Variants in CFAP157 observed in about 807,000 individuals in gnomAD.
CFAP157 encodes cilia and flagella associated protein 157.
In CFAP157, 43 loss-of-function variants were observed where a neutral mutation model predicts 57.8. That is an observed-to-expected ratio of 0.74 (90% CI 0.58 to 0.96). The LOEUF (loss-of-function observed/expected upper bound fraction) is 0.96, where lower values mean the gene tolerates loss of function less well. Ranked by LOEUF, CFAP157 falls within the 40% of genes least tolerant of loss-of-function variation. The pLI, the probability that CFAP157 is intolerant of heterozygous loss-of-function variation, is 0.00. For synonymous variants in CFAP157, 267 were observed against 269.0 expected (o/e 0.99, Z 0.07); for missense variants, 606 against 655.3 (o/e 0.92, Z 0.82).
At chr9:127,712,164 G>C in intron 5 of CFAP157, 35 bp from the exon 6 acceptor site, 1 of 1,611,870 alleles carries the variant, frequency 6.2e-7, no homozygotes, top group Non-Finnish European at 8.5e-7. Context: ...CTGGGGAAGG[G>C]GGAAGGCTGT....
In CFAP157 at chr9:127,712,920, C is replaced by T. The variant is rs760135818; in HGVS notation, c.1304+45C>T. Reference sequence around the variant, plus strand: ...TGGCCTCAGAGGCAGCCACAGAGAGCAGGGCAAAGGCATTCAGCCATGGGG... The same window carrying T: ...TGGCCTCAGAGGCAGCCACAGAGAGTAGGGCAAAGGCATTCAGCCATGGGG... On this transcript the variant is annotated intron_variant, in intron 7 of 8. Transcript: ENST00000373295. 4 of 1,592,046 alleles carry T rather than the reference C, an allele frequency of 2.5e-6. No homozygotes were observed. In the African/African-American group the frequency reaches 5.4e-5, roughly 21 times the overall value.
At chr9:127,710,298 A>AC (rs1312806246) in intron 2 of CFAP157, among the ~76,000 whole-genome samples, 3 of 151,956 alleles carry the variant, frequency 2.0e-5, no homozygotes, top group Non-Finnish European at 4.4e-5. Flanking sequence ...AAAAAAAAAA[A>AC]ACAAAACAGT....
In CFAP157 at chr9:127,714,190, C is replaced by T. The variant is rs1409053312; in HGVS notation, c.*285C>T. 1.2e-6 allele frequency: 2 copies of T among 1,613,986 alleles called. No homozygotes were observed. The highest frequency in any genetic ancestry group is 8.5e-7 in the Non-Finnish European group (1 of 1,180,020). On this transcript the variant is annotated 3_prime_UTR_variant, in exon 9 of 9. Transcript: ENST00000373295. ...GATCCAGCAACAGAGGCAGCAGCTC[C>T]TGCTCAGCAGGGGAGAAGCAGCCCA...
rs1378507770 is a variant in CFAP157, at chr9:127,707,099, A to G, written c.68A>G (p.Lys23Arg). ...ELEVKKKGGKKEPVVAVEPPL... is the reference protein window; with the variant it reads ...ELEVKKKGGKREPVVAVEPPL... ...GAAGTCAAGAAGAAAGGGGGCAAGA[A>G]GGAGCCGGTGGTGGCCGTGGAGCCG... is the stretch of plus-strand genomic sequence containing the variant. The change falls in exon 1 of 9, where the codon AAG (lysine) becomes AGG (arginine). Residue 23 changes from lysine (K) to arginine (R), a missense_variant. By Grantham distance (26) the Lys-to-Arg change is conservative. Coordinates refer to ENST00000373295, the MANE Select transcript of CFAP157 (RefSeq NM_001012502.3). 1.2e-6 allele frequency: 2 copies of G among 1,613,954 alleles called. No individual in the cohort carries two copies. Among genetic ancestry groups the G allele is most frequent in the South Asian group, 2.2e-5 (2 of 91,084 alleles).
rs1051765950 is a variant in CFAP157 at position 127,714,509 on chromosome 9, C to A, written c.*604C>A. 4 of 1,598,892 alleles carry A rather than the reference C, an allele frequency of 2.5e-6. No homozygotes were observed. The African/African-American group carries it at 5.4e-5, about 21-fold the overall frequency. ...CCCTGCCCCGGCTGGGTCAGAGCAG[C>A]CCATTTCCTGTGGAGACTGGGTCAG... On this transcript the variant is annotated 3_prime_UTR_variant, in exon 9 of 9. Coordinates refer to ENST00000373295, the MANE Select transcript of CFAP157 (RefSeq NM_001012502.3).
Position 127,715,583 on chromosome 9 carries a change from TC to T in CFAP157, c.*1679del. 1 of 1,613,322 alleles carries T rather than the reference TC, an allele frequency of 6.2e-7. No individual in the cohort carries two copies. The highest frequency in any genetic ancestry group is 8.5e-7 in the Non-Finnish European group (1 of 1,179,998). ...CCGGGGGGCGAGGCTCCAAAACACA[TC>T]GGCTCATGGCTCTACTCAGCCGCTG... On this transcript the variant is annotated 3_prime_UTR_variant, in exon 9 of 9. Transcript: ENST00000373295. The surrounding 1 kb of genome is among the most constrained non-coding windows in gnomAD (Gnocchi z 5.8).
In CFAP157 at chr9:127,709,877, A is replaced by C. The variant is rs1161570201; in HGVS notation, c.433+184A>C. Among the ~76,000 whole-genome samples, 1 of 152,184 alleles carries C rather than the reference A, an allele frequency of 6.6e-6. No individual in the cohort carries two copies. The highest frequency in any genetic ancestry group is 2.4e-5 in the African/African-American group (1 of 41,452). ...CCAACCAGTTTGTAGACAAGGAAGCACCTCAAAAGATGAAGTGTCGTGACC... is the reference window on the plus strand; with the variant it reads ...CCAACCAGTTTGTAGACAAGGAAGCCCCTCAAAAGATGAAGTGTCGTGACC... On this transcript the variant is annotated intron_variant, in intron 2 of 8. Transcript: ENST00000373295. The surrounding 1 kb of genome is among the most constrained non-coding windows in gnomAD (Gnocchi z 4.7).
chr9:127,715,586 G>A lies in CFAP157; in HGVS notation c.*1681G>A. On this transcript the variant is annotated 3_prime_UTR_variant, in exon 9 of 9. Transcript: ENST00000373295. This position sits in a 1 kb window ranked among gnomAD's most constrained non-coding sequence, Gnocchi z 5.8. ...GGGGGCGAGGCTCCAAAACACATCG[G>A]CTCATGGCTCTACTCAGCCGCTGTC... 2 of 1,613,368 alleles carry A rather than the reference G, an allele frequency of 1.2e-6. No homozygotes were observed. The highest frequency in any genetic ancestry group is 1.7e-6 in the Non-Finnish European group (2 of 1,180,024).
chr9:127,712,340 C>T lies in CFAP157; in HGVS notation c.1128C>T (p.Asn376=), dbSNP rs1048402504. 10 of 1,613,768 alleles carry T rather than the reference C, an allele frequency of 6.2e-6. No individual in the cohort carries two copies. Among genetic ancestry groups the T allele is most frequent in the Middle Eastern group, 1.6e-4 (1 of 6,078 alleles). The stretch of plus-strand genomic sequence containing the variant: ...TCCAGGCCACCTCCTTCCTACAGAA[C>T]ATTCTGCAGGTGAGCAGAAGGGAGA... ...ALVQATSFLQ[N]ILQMHRDEED... The change falls in exon 6 of 9, where the codon AAC becomes AAT. Residue 376 remains asparagine, a synonymous_variant. Transcript: ENST00000373295.
rs1842935772 is a variant in CFAP157 at position 127,715,338 on chromosome 9, C to G, written c.*1433C>G. The G allele has an allele frequency of 8.0e-7, 1 of 1,252,972 alleles. No individual in the cohort carries two copies. The highest frequency in any genetic ancestry group is 1.5e-5 in the African/African-American group (1 of 67,414). 77.6% of individuals were successfully genotyped at this position (1,252,972 alleles called of 1,614,324 possible). ...GGGCGCGAAGAAGGGGCCCAGAAAC[C>G]CGACCCCTGAGAACTCCAGAAGGCT... On this transcript the variant is annotated 3_prime_UTR_variant, in exon 9 of 9. Transcript: ENST00000373295. This position sits in a 1 kb window ranked among gnomAD's most constrained non-coding sequence, Gnocchi z 5.8.
Position 127,709,273 on chromosome 9 carries a change from G to T in CFAP157, c.162-149G>T. On this transcript the variant is annotated intron_variant, in intron 1 of 8. Coordinates refer to ENST00000373295, the MANE Select transcript of CFAP157 (RefSeq NM_001012502.3). The surrounding 1 kb of genome is among the most constrained non-coding windows in gnomAD (Gnocchi z 4.7). ...GTGGTCATGACTGTCGGACCAAGGG[G>T]CATAGTGGGAGATGAGGCTGGATTC... 1.3e-6 allele frequency: 1 copy of T among 747,586 alleles called. No homozygotes were observed. Among genetic ancestry groups the T allele is most frequent in the Non-Finnish European group, 2.2e-6 (1 of 461,830 alleles). The allele number at this position is 747,586 out of a possible 1,614,324, so 46.3% of individuals were successfully genotyped here. A position where few individuals can be genotyped will look rare whatever the true frequency, so the allele number is the denominator to read the frequency against.
intron 3 of CFAP157, 42 bp downstream of exon 3, chr9:127,710,796 T>A: frequency 6.5e-7 from 1 of 1,547,466 alleles, no homozygotes; most frequent in Non-Finnish European, 8.7e-7. Flanking sequence ...GGAGGCTTCA[T>A]CCCTGGGGCT....
At chr9:127,710,472 A>G in intron 2 of CFAP157, 129 bp from the exon 3 acceptor site, 1 of 1,134,150 alleles carries the variant, frequency 8.8e-7, no homozygotes, top group Non-Finnish European at 1.2e-6. Context: ...GGGATGGTAG[A>G]CCTGCCCCAC....
chr9:127,712,717 C>T lies in CFAP157; in HGVS notation c.1146C>T (p.Arg382=), dbSNP rs370271059. Residue 382 remains arginine (R), a synonymous_variant, in exon 7 of 9, where the codon CGC becomes CGT. Transcript: ENST00000373295. The part of the protein sequence containing the change: ...SFLQNILQMH[R]DEEDSDVDVT... The stretch of plus-strand genomic sequence containing the variant: ...CCCACCCTCACCAACAGATGCACCG[C>T]GATGAAGAGGACAGTGACGTTGACG... 36 of 1,613,998 alleles carry T rather than the reference C, an allele frequency of 2.2e-5. No homozygotes were observed. The highest frequency in any genetic ancestry group is 1.7e-4 in the Admixed American group (10 of 60,012).
At position 127,712,304 on chromosome 9, in the gene CFAP157, G is replaced by A. The variant is rs1372062665; in HGVS notation, c.1092G>A (p.Glu364=). The A allele has an allele frequency of 6.2e-7, 1 of 1,614,080 alleles. No homozygotes were observed. Among genetic ancestry groups the A allele is most frequent in the Non-Finnish European group, 8.5e-7 (1 of 1,180,022 alleles). Reference sequence around the variant, plus strand: ...AGCAGAAGGTTCGGGCCAGCCTGGAGGCGGCTCTGGTCCAGGCCACCTCCT... The same window carrying A: ...AGCAGAAGGTTCGGGCCAGCCTGGAAGCGGCTCTGGTCCAGGCCACCTCCT... ...ANEQKVRASL[E]AALVQATSFL... The change falls in exon 6 of 9, where the codon GAG becomes GAA. Residue 364 remains glutamate (E), a synonymous_variant. Coordinates refer to ENST00000373295, the MANE Select transcript of CFAP157 (RefSeq NM_001012502.3).
In CFAP157 at chr9:127,714,715, A is replaced by T. The variant is rs750742790; in HGVS notation, c.*810A>T. 6.2e-7 allele frequency: 1 copy of T among 1,602,610 alleles called. No individual in the cohort carries two copies. The highest frequency in any genetic ancestry group is 1.1e-5 in the South Asian group (1 of 89,646). On this transcript the variant is annotated 3_prime_UTR_variant, in exon 9 of 9. Coordinates refer to ENST00000373295, the MANE Select transcript of CFAP157 (RefSeq NM_001012502.3). ...CCAAACAGCTCCGCTTAGCACAGGG[A>T]AACGGCAGCCCTGGTTACTGCCCAT... is the stretch of plus-strand genomic sequence containing the variant.
In CFAP157 at chr9:127,710,602, G is replaced by T; in HGVS notation, c.435G>T (p.Gly145=). 6.3e-7 allele frequency: 1 copy of T among 1,580,486 alleles called. No homozygotes were observed. The highest frequency in any genetic ancestry group is 2.3e-5 in the East Asian group (1 of 43,400). The change falls in exon 3 of 9, where the codon GGG becomes GGT. Residue 145 remains glycine (G), a splice_region_variant and synonymous_variant. Coordinates refer to ENST00000373295, the MANE Select transcript of CFAP157 (RefSeq NM_001012502.3). ...GGCCTTGTGCGCTGTGGCGGCCAGG[G>T]GGGAAGCTGGCAGCCCTGGAGGAGT... The part of the protein sequence containing the change: ...DQLTTENIIL[G]GKLAALEEFR...
chr9:127,712,046 C>T (rs1842778190), intron 5 of CFAP157, 96 bp downstream of exon 5: 1 of 1,513,752 alleles, frequency 6.6e-7, no homozygotes, highest in African/African-American at 1.4e-5. Context: ...CCAGTGACTT[C>T]CCCTCTCTAG....
chr9:127,715,812 G>C lies in CFAP157; in HGVS notation c.*1907G>C, dbSNP rs1588408112. ...GCGGTGGCCGAGTCCGGGAACCCAG[G>C]CGCCTTCAGTAGCGCGGCGTCACAG... On this transcript the variant is annotated 3_prime_UTR_variant, in exon 9 of 9. Coordinates refer to ENST00000373295, the MANE Select transcript of CFAP157 (RefSeq NM_001012502.3). The surrounding 1 kb of genome is among the most constrained non-coding windows in gnomAD (Gnocchi z 5.8). The C allele has an allele frequency of 6.1e-6, 8 of 1,314,376 alleles. No homozygotes were observed. In the East Asian group the frequency reaches 1.8e-4, roughly 29 times the overall value. The allele number at this position is 1,314,376 out of a possible 1,614,324, so 81.4% of individuals were successfully genotyped here.
Sources: allele counts gnomAD v4.1 joint callset (sites outside exome capture counted in the v4.1 genomes callset), GRCh38; gene constraint gnomAD v4.1.1; non-coding constraint Gnocchi (gnomAD v3.1); transcripts MANE v1.5; gene names NCBI Gene and HGNC (gene_info 2026-07-23, HGNC 2026-07-21).